FER: variants seen among roughly 807,000 people sequenced by gnomAD.
FER encodes the protein FER tyrosine kinase.
FER carries 63 observed loss-of-function variants against 111.0 expected under a neutral mutation model. The ratio of observed to expected loss-of-function variants is 0.57; its 90% CI spans 0.46 to 0.70. FER has a LOEUF of 0.70. Among genes scored for constraint, FER ranks in the 30% least tolerant of loss-of-function variants. The pLI is 0.00. For missense variants in FER, 914 were observed against 954.0 expected (o/e 0.96, Z 0.55); for synonymous variants, 327 against 313.9 (o/e 1.04, Z -0.44).
intron 17 of FER, among the ~76,000 whole-genome samples, chr5:109,151,557 T>C (rs1008909020): frequency 6.6e-6 from 1 of 152,158 alleles, no homozygotes; most frequent in African/African-American, 2.4e-5. Flanking sequence ...TTAGGGCATT[T>C]GCTGTAGTAG....
intron 5 of FER, among the ~76,000 whole-genome samples, chr5:108,858,762 T>C (rs1234406731): frequency 7.3e-6 from 1 of 137,518 alleles, no homozygotes; most frequent in Non-Finnish European, 1.5e-5. Context: ...TAGACAGTTT[T>C]TTCATTTTTT....
chr5:108,882,271 A>T (rs1765756709), intron 8 of FER, among the ~76,000 whole-genome samples: 1 of 151,976 alleles, frequency 6.6e-6, no homozygotes. Context: ...CACATCAGTG[A>T]TGTATAATTG....
intron 2 of FER, among the ~76,000 whole-genome samples, chr5:108,783,719 C>G (rs1754351577): frequency 6.6e-6 from 1 of 152,050 alleles, no homozygotes; most frequent in Non-Finnish European, 1.5e-5. Flanking sequence ...TCTAGTGGCA[C>G]TAGGGCTCCC....
chr5:108,772,312 A>G (rs971749463), intron 2 of FER, among the ~76,000 whole-genome samples: 1 of 141,958 alleles, frequency 7.0e-6, no homozygotes, highest in East Asian at 2.0e-4. Flanking sequence ...TGCCATATAT[A>G]TATGTATGTA....
chr5:108,820,621 G>T, intron 3 of FER: 25 of 872,864 alleles, frequency 2.9e-5, no homozygotes, highest in Non-Finnish European at 3.3e-5. Context: ...GTAGTCATGT[G>T]GTTCTCTAAC....
At chr5:108,814,010 T>G (rs1205796036) in intron 3 of FER, among the ~76,000 whole-genome samples, 1 of 152,204 alleles carries the variant, frequency 6.6e-6, no homozygotes, top group Non-Finnish European at 1.5e-5. Context: ...CTAGTAGATT[T>G]GAATTCCTTT....
intron 4 of FER, among the ~76,000 whole-genome samples, chr5:108,834,528 T>C (rs886745604): frequency 2.0e-5 from 3 of 151,936 alleles, no homozygotes; most frequent in Admixed American, 1.3e-4. Context: ...TGAAACCCCG[T>C]CTCTACTAAA....
chr5:108,802,264 T>C (rs1166016875), intron 3 of FER, among the ~76,000 whole-genome samples: 6 of 152,154 alleles, frequency 3.9e-5, no homozygotes, highest in Non-Finnish European at 1.5e-5. Flanking sequence ...GGAATTACAT[T>C]GAATGTATAG....
At chr5:108,947,979 C>T (rs1328548044) in intron 11 of FER, among the ~76,000 whole-genome samples, 1 of 151,848 alleles carries the variant, frequency 6.6e-6, no homozygotes, top group African/African-American at 2.4e-5. Context: ...TCCTCGGCCC[C>T]GCTAAGAGTT....
intron 13 of FER, among the ~76,000 whole-genome samples, chr5:109,009,071 G>A (rs956639912): frequency 2.8e-5 from 3 of 107,936 alleles, no homozygotes; most frequent in Admixed American, 1.1e-4. Flanking sequence ...TTTTTGAAAC[G>A]GAGTCTCACT....
chr5:108,925,534 G>A (rs758556987), intron 10 of FER, among the ~76,000 whole-genome samples: 3 of 151,848 alleles, frequency 2.0e-5, no homozygotes, highest in Non-Finnish European at 2.9e-5. Flanking sequence ...GTCATTTTGC[G>A]ACTTAATTGC....
chr5:108,774,899 A>G (rs1343034359), intron 2 of FER, among the ~76,000 whole-genome samples: 1 of 152,130 alleles, frequency 6.6e-6, no homozygotes, highest in African/African-American at 2.4e-5. Context: ...TAGTTTAATT[A>G]GATCCCATGT....
At chr5:109,152,906 C>T (rs1313601990) in intron 17 of FER, among the ~76,000 whole-genome samples, 2 of 151,762 alleles carry the variant, frequency 1.3e-5, no homozygotes, top group African/African-American at 4.8e-5. Context: ...TTTTATTGAG[C>T]TTTAAAAATA....
At chr5:109,003,401 G>T (rs1283786899) in intron 13 of FER, among the ~76,000 whole-genome samples, 1 of 152,100 alleles carries the variant, frequency 6.6e-6, no homozygotes, top group South Asian at 2.1e-4. Context: ...TCACTCATAG[G>T]TGGGAATTGA....
rs193091999 is a variant in FER, at chr5:109,016,896, G to A, written c.1657-20526G>A. ...ATAAGAATGGCCTCCTAATTCAATA[G>A]GTTTTGTGGTCTTATAAGAGGAAGA... On this transcript the variant is annotated intron_variant, in intron 13 of 19. Transcript: ENST00000281092. Among the ~76,000 whole-genome samples, 102 of 152,002 alleles carry A rather than the reference G, an allele frequency of 6.7e-4. 1 individual carries two copies. Among genetic ancestry groups the A allele is most frequent in the Admixed American group, 4.0e-3 (61 of 15,218 alleles).
At position 109,193,229 on chromosome 5, in the gene FER, T is replaced by C. The variant is rs1759504790; in HGVS notation, c.*5654T>C. The C allele has an allele frequency of 6.6e-6, 1 of 152,154 alleles. No homozygotes were observed. The highest frequency in any genetic ancestry group is 2.1e-4 in the South Asian group (1 of 4,830). The allele number at this position is 152,154 out of a possible 1,614,324, so 9.4% of individuals were successfully genotyped here. A position where few individuals can be genotyped will look rare whatever the true frequency, so the allele number is the denominator to read the frequency against. On this transcript the variant is annotated 3_prime_UTR_variant, in exon 20 of 20. Coordinates refer to ENST00000281092, the MANE Select transcript of FER (RefSeq NM_005246.4). ...GAATTACCCTTGCTCTGTTTATCTG[T>C]GAGGCCTCAGACACAACGGTGGTTC... is the stretch of plus-strand genomic sequence containing the variant.
At chr5:108,997,477 A>G (rs931220475) in intron 13 of FER, among the ~76,000 whole-genome samples, 1 of 151,542 alleles carries the variant, frequency 6.6e-6, no homozygotes, top group Non-Finnish European at 1.5e-5. Context: ...ATATACACTC[A>G]TGTCATCTGC....
intron 1 of FER, chr5:108,748,487 C>G (rs1226436823): frequency 6.6e-6 from 1 of 152,308 alleles, no homozygotes; most frequent in Admixed American, 6.5e-5. Context: ...CGCGGCCAGG[C>G]GAGCCTCCCA....
At chr5:108,846,609 G>A (rs1762051203) in intron 5 of FER, among the ~76,000 whole-genome samples, 1 of 151,950 alleles carries the variant, frequency 6.6e-6, no homozygotes, top group Non-Finnish European at 1.5e-5. Context: ...TTTTGAGACA[G>A]TCTTGCTCTG....
Sources: allele counts gnomAD v4.1 joint callset (sites outside exome capture counted in the v4.1 genomes callset), GRCh38; gene constraint gnomAD v4.1.1; transcripts MANE v1.5; gene names NCBI Gene and HGNC (gene_info 2026-07-23, HGNC 2026-07-21).